Variants in PPARD observed in about 807,000 individuals in gnomAD.
The protein encoded by PPARD is peroxisome proliferator-activated receptor delta.
PPARD carries 6 observed loss-of-function variants against 39.5 expected under a neutral mutation model. The observed-to-expected ratio is 0.15, with a 90% confidence interval of 0.08 to 0.30. The LOEUF is 0.30. PPARD is among the 10% of genes least tolerant of loss of function. The pLI, the probability that PPARD is intolerant of heterozygous loss-of-function variation, is 1.00. For missense variants in PPARD, 397 were observed against 596.8 expected (o/e 0.67, Z 3.49); for synonymous variants, 210 against 231.3 (o/e 0.91, Z 0.83).
chr6:35,379,207 G>A (rs894308237), intron 2 of PPARD, among the ~76,000 whole-genome samples: 4 of 151,214 alleles, frequency 2.6e-5, no homozygotes, highest in African/African-American at 7.3e-5. Flanking sequence ...GGTTTCAAGC[G>A]ATTCTCCTGC....
At chr6:35,365,051 A>G (rs1396941160) in intron 2 of PPARD, among the ~76,000 whole-genome samples, 5 of 150,804 alleles carry the variant, frequency 3.3e-5, no homozygotes, top group African/African-American at 1.2e-4. Flanking sequence ...CCTGTCTGCT[A>G]TACTCACTGG....
intron 2 of PPARD, among the ~76,000 whole-genome samples, chr6:35,409,462 G>A (rs907508407): frequency 1.1e-4 from 16 of 151,902 alleles, no homozygotes; most frequent in Middle Eastern, 6.3e-3. Flanking sequence ...CCATGATTGC[G>A]CCACTGCACT....
At chr6:35,370,806 G>C (rs1348784591) in intron 2 of PPARD, among the ~76,000 whole-genome samples, 3 of 152,082 alleles carry the variant, frequency 2.0e-5, no homozygotes, top group Non-Finnish European at 4.4e-5. Flanking sequence ...GGATGGTTGG[G>C]ATTGGAAAAA....
At chr6:35,352,309 AAGT>A (rs997404619) in intron 2 of PPARD, among the ~76,000 whole-genome samples, 20 of 152,044 alleles carry the variant, frequency 1.3e-4, no homozygotes, top group African/African-American at 4.6e-4. Context: ...TCAGCCTCCC[AAGT>A]AGCTGGGACC....
Position 35,411,001 on chromosome 6 carries a change from C to T in PPARD, c.-87C>T, listed in dbSNP as rs2016520. ...CCTCTGCCCAGGCTGATGGGAACCA[C>T]CCTGTAGAGGTCCATCTGCGTTCAG... On this transcript the variant is annotated 5_prime_UTR_variant, in exon 3 of 8. Transcript: ENST00000360694. 1,058,649 of 1,328,196 alleles carry T rather than the reference C, an allele frequency of 0.8. 423,052 individuals carry two copies. The highest frequency in any genetic ancestry group is 0.8 in the South Asian group (34,764 of 43,196). 82.3% of individuals were successfully genotyped at this position (1,328,196 alleles called of 1,614,324 possible).
At position 35,424,346 on chromosome 6, in the gene PPARD, C is replaced by T; in HGVS notation, c.645C>T (p.Asp215=). The T allele has an allele frequency of 6.2e-7, 1 of 1,612,084 alleles. No homozygotes were observed. The highest frequency in any genetic ancestry group is 8.5e-7 in the Non-Finnish European group (1 of 1,178,262). Residue 215 remains aspartate, a synonymous_variant, in exon 7 of 8, where the codon GAC becomes GAT. Coordinates refer to ENST00000360694, the MANE Select transcript of PPARD (RefSeq NM_006238.5). This position sits in a 1 kb window ranked among gnomAD's most constrained non-coding sequence, Gnocchi z 7.1. The part of the protein sequence containing the change: ...ASHTAPFVIH[D]IETLWQAEKG... ...GTTTTCAGCCCTTTGTGATCCACGA[C>T]ATCGAGACATTGTGGCAGGCAGAGA...
chr6:35,348,719 T>C, intron 2 of PPARD: 7 of 985,314 alleles, frequency 7.1e-6, no homozygotes, highest in Non-Finnish European at 8.4e-6. Flanking sequence ...TGTAGATCTT[T>C]CAGGAAGGTC....
chr6:35,355,598 CTTTTTTTTTTTTTTTTTTTTTTTT>C (rs1166499750), intron 2 of PPARD, among the ~76,000 whole-genome samples: 1 of 33,462 alleles, frequency 3.0e-5, no homozygotes, highest in Admixed American at 5.0e-4. Flanking sequence ...TCTTCTTCTT[CTTTTTTTTTTTTTTTTTTTTTTTT>C]TTTTTTTGAG....
chr6:35,409,058 T>A (rs1427832773), intron 2 of PPARD, among the ~76,000 whole-genome samples: 1 of 152,134 alleles, frequency 6.6e-6, no homozygotes, highest in Non-Finnish European at 1.5e-5. Flanking sequence ...ACGTGACCTT[T>A]TCCAGGTTTT....
chr6:35,397,336 C>A (rs988691658), intron 2 of PPARD, among the ~76,000 whole-genome samples: 1 of 152,132 alleles, frequency 6.6e-6, no homozygotes, highest in Admixed American at 6.5e-5. Context: ...TGAAGCCCCC[C>A]CTCCCGCAAC....
chr6:35,379,324 G>A (rs545271504), intron 2 of PPARD, among the ~76,000 whole-genome samples: 2 of 151,992 alleles, frequency 1.3e-5, no homozygotes, highest in South Asian at 2.1e-4. Flanking sequence ...GGCTAGTCTC[G>A]AACTCCTGAC....
chr6:35,419,934 A>G (rs1455948138), intron 3 of PPARD, among the ~76,000 whole-genome samples, 193 bp from the exon 4 acceptor site: 1 of 151,992 alleles, frequency 6.6e-6, no homozygotes, highest in Non-Finnish European at 1.5e-5. Context: ...TGCTGTGGAG[A>G]CTTTTTGCCC....
Position 35,411,070 on chromosome 6 carries a change from G to C in PPARD, c.-18G>C, listed in dbSNP as rs987576319. On this transcript the variant is annotated 5_prime_UTR_variant, in exon 3 of 8. Transcript: ENST00000360694. ...CTATGACTGGGCCTGCAGGTGTGGCGCCGAGGGGAGATCAGCCATGGAGCA... is the reference window on the plus strand; with the variant it reads ...CTATGACTGGGCCTGCAGGTGTGGCCCCGAGGGGAGATCAGCCATGGAGCA... 2 of 1,499,496 alleles carry C rather than the reference G, an allele frequency of 1.3e-6. No homozygotes were observed. The highest frequency in any genetic ancestry group is 2.1e-5 in the Admixed American group (1 of 46,778). 92.9% of individuals were successfully genotyped at this position (1,499,496 alleles called of 1,614,324 possible). A position where few individuals can be genotyped will look rare whatever the true frequency, so the allele number is the denominator to read the frequency against.
intron 2 of PPARD, among the ~76,000 whole-genome samples, chr6:35,351,151 G>C (rs1039342502): frequency 2.0e-5 from 3 of 151,612 alleles, no homozygotes; most frequent in African/African-American, 7.3e-5. Context: ...TCAGCCTCCC[G>C]AGTAGCTGGG....
chr6:35,405,757 G>T (rs559111037), intron 2 of PPARD, among the ~76,000 whole-genome samples: 25 of 151,246 alleles, frequency 1.7e-4, no homozygotes, highest in Middle Eastern at 3.2e-3. Flanking sequence ...AGCCACCCAC[G>T]TAGCTGGGAT....
At chr6:35,374,308 T>TGGGC (rs1554205489) in intron 2 of PPARD, among the ~76,000 whole-genome samples, 1 of 126,124 alleles carries the variant, frequency 7.9e-6, no homozygotes, top group African/African-American at 4.5e-5. Flanking sequence ...TTCTCGGCGG[T>TGGGC]GGGGCGGGGG....
At chr6:35,419,525 T>G (rs983464283) in intron 3 of PPARD, among the ~76,000 whole-genome samples, 1 of 152,236 alleles carries the variant, frequency 6.6e-6, no homozygotes, top group Non-Finnish European at 1.5e-5. Flanking sequence ...GACTGATACC[T>G]AAGCTGTTCT....
At chr6:35,415,325 G>T (rs189775583) in intron 3 of PPARD, among the ~76,000 whole-genome samples, 82 of 152,312 alleles carry the variant, frequency 5.4e-4, no homozygotes, top group African/African-American at 1.9e-3. Flanking sequence ...GAAGCTGCTG[G>T]GTGCTTGTTT....
chr6:35,370,426 C>A (rs1441812655), intron 2 of PPARD, among the ~76,000 whole-genome samples: 2 of 152,130 alleles, frequency 1.3e-5, no homozygotes, highest in Non-Finnish European at 2.9e-5. Flanking sequence ...ATTGGAGTGC[C>A]TTTTGAAGTC....
Sources: allele counts gnomAD v4.1 joint callset (sites outside exome capture counted in the v4.1 genomes callset), GRCh38; gene constraint gnomAD v4.1.1; non-coding constraint Gnocchi (gnomAD v3.1); transcripts MANE v1.5; gene names NCBI Gene and HGNC (gene_info 2026-07-23, HGNC 2026-07-21).